TRAK2: variants seen among roughly 807,000 people sequenced by gnomAD.
TRAK2 encodes the protein trafficking kinesin protein 2, also known as trafficking kinesin-binding protein 2.
In TRAK2, 81 loss-of-function variants were observed where a neutral mutation model predicts 104.6. That is an observed-to-expected ratio of 0.77 (90% CI 0.65 to 0.93). The LOEUF is 0.93. TRAK2 is among the 40% of genes least tolerant of loss of function. The pLI is 0.00. For synonymous variants in TRAK2, 406 were observed against 394.4 expected (o/e 1.03, Z -0.35); for missense variants, 1,002 against 1,089.0 (o/e 0.92, Z 1.12).
intron 2 of TRAK2, chr2:201,411,485 C>T: frequency 1.3e-6 from 1 of 744,182 alleles, no homozygotes; most frequent in Non-Finnish European, 2.5e-6. Context: ...GTTGTTCTTG[C>T]ATTATATGAA....
chr2:201,439,063 C>T (rs1951900053), intron 1 of TRAK2, among the ~76,000 whole-genome samples: 1 of 152,192 alleles, frequency 6.6e-6, no homozygotes, highest in Non-Finnish European at 1.5e-5. Flanking sequence ...AAGTCTACCT[C>T]TATCTTAGTA....
chr2:201,390,097 T>C (rs1337411086), intron 10 of TRAK2, among the ~76,000 whole-genome samples: 1 of 152,226 alleles, frequency 6.6e-6, no homozygotes, highest in Non-Finnish European at 1.5e-5. Flanking sequence ...AAAGCTGATA[T>C]GATAAATAGA....
chr2:201,412,025 A>G lies in TRAK2; in HGVS notation c.92-4428T>C. On this transcript the variant is annotated intron_variant, in intron 2 of 15. Coordinates refer to ENST00000332624, the MANE Select transcript of TRAK2 (RefSeq NM_015049.3). ...AGGGGTTTTGGTTAGTAGCAAATCC[A>G]TTTTTTGTAGGAAAATTAACAAAAT... 3 of 1,045,976 alleles carry G rather than the reference A, an allele frequency of 2.9e-6. No homozygotes were observed. The South Asian group carries it at 3.8e-5, about 13-fold the overall frequency. The allele number at this position is 1,045,976 out of a possible 1,614,324, so 64.8% of individuals were successfully genotyped here.
At chr2:201,412,561 G>A in intron 2 of TRAK2, 1 of 1,325,498 alleles carries the variant, frequency 7.5e-7, no homozygotes, top group Non-Finnish European at 1.1e-6. Context: ...AGTTCCTAAA[G>A]AATATATATC....
At chr2:201,411,925 C>T in intron 2 of TRAK2, 1 of 1,037,330 alleles carries the variant, frequency 9.6e-7, no homozygotes, top group East Asian at 2.4e-5. Flanking sequence ...TTAGACAGAG[C>T]TCCTGGTATT....
chr2:201,405,651 C>T (rs1951587074), intron 3 of TRAK2, among the ~76,000 whole-genome samples: 1 of 152,176 alleles, frequency 6.6e-6, no homozygotes, highest in African/African-American at 2.4e-5. Context: ...AAAATAATGA[C>T]AAACTAAATT....
intron 5 of TRAK2, 141 bp from the exon 6 acceptor site, chr2:201,398,495 A>G: frequency 1.4e-6 from 1 of 736,782 alleles, no homozygotes; most frequent in Non-Finnish European, 2.2e-6. Context: ...GACTAACGCA[A>G]CAAGTACTAA....
chr2:201,410,536 T>G (rs1279318034), intron 2 of TRAK2: 1 of 1,100,422 alleles, frequency 9.1e-7, no homozygotes, highest in Non-Finnish European at 1.3e-6. Flanking sequence ...TCCTTCAAAA[T>G]AGACACCTCA....
At chr2:201,449,977 G>C (rs144674279) in intron 1 of TRAK2, among the ~76,000 whole-genome samples, 9 of 152,154 alleles carry the variant, frequency 5.9e-5, no homozygotes, top group African/African-American at 2.2e-4. Context: ...ACAGGAGTGA[G>C]CCACAGCGCC....
At chr2:201,382,713 G>A (rs1951355031) in intron 15 of TRAK2, among the ~76,000 whole-genome samples, 1 of 152,096 alleles carries the variant, frequency 6.6e-6, no homozygotes, top group South Asian at 2.1e-4. Context: ...GATCTTTAGT[G>A]GATATCATCC....
chr2:201,411,349 A>G lies in TRAK2; in HGVS notation c.92-3752T>C, dbSNP rs1951645231. The G allele has an allele frequency of 5.3e-6, 4 of 750,088 alleles. No homozygotes were observed. In the Admixed American group the frequency reaches 7.0e-5, roughly 13 times the overall value. 46.5% of individuals were successfully genotyped at this position (750,088 alleles called of 1,614,324 possible). A position where few individuals can be genotyped will look rare whatever the true frequency, so the allele number is the denominator to read the frequency against. On this transcript the variant is annotated intron_variant, in intron 2 of 15. Coordinates refer to ENST00000332624, the MANE Select transcript of TRAK2 (RefSeq NM_015049.3). ...TGAAACCCATCCTCTTTATTTTCGG[A>G]ATCACTGCCAGTCAGAAGGTCTGCT... is the stretch of plus-strand genomic sequence containing the variant.
At chr2:201,388,080 G>C in intron 12 of TRAK2, 79 bp from the exon 13 acceptor site, 3 of 1,397,580 alleles carry the variant, frequency 2.1e-6, no homozygotes, top group Non-Finnish European at 3.0e-6. Flanking sequence ...ATAATGGTAA[G>C]CATTCAAGAG....
chr2:201,380,830 G>T lies in TRAK2; in HGVS notation c.2458C>A (p.Pro820Thr), dbSNP rs769698203. Residue 820 changes from proline (P) to threonine (T), a missense_variant, in exon 16 of 16, where the codon CCC becomes ACC. Coordinates refer to ENST00000332624, the MANE Select transcript of TRAK2 (RefSeq NM_015049.3). ...TFLQEMYGLR[P>T]SRNPPDVGQL... ...CCAACATCAGGAGGGTTCCGGGAGG[G>T]TCTCAAGCCATACATCTCCTGGAGG... The T allele has an allele frequency of 1.2e-5, 19 of 1,613,950 alleles. No homozygotes were observed. The highest frequency in any genetic ancestry group is 1.5e-5 in the Non-Finnish European group (18 of 1,180,002).
intron 1 of TRAK2, among the ~76,000 whole-genome samples, chr2:201,446,260 C>T (rs1281968485): frequency 6.6e-6 from 1 of 152,094 alleles, no homozygotes; most frequent in East Asian, 1.9e-4. Flanking sequence ...GCTTCCTAGA[C>T]ACACCAGGAA....
chr2:201,427,577 G>C (rs1359675683), intron 1 of TRAK2, among the ~76,000 whole-genome samples: 3 of 152,152 alleles, frequency 2.0e-5, no homozygotes, highest in African/African-American at 7.2e-5. Context: ...ACCAATGATA[G>C]ACATTTGGGT....
intron 2 of TRAK2, 75 bp from the exon 3 acceptor site, chr2:201,407,672 ATTAG>A: frequency 7.2e-7 from 1 of 1,383,546 alleles, no homozygotes; most frequent in Non-Finnish European, 9.8e-7. Flanking sequence ...ATTGATGAAA[ATTAG>A]TTTTTCTAAA....
rs549434492 is a variant in TRAK2 at position 201,426,882 on chromosome 2, T to C, written c.-199-6176A>G. 2.6e-3 allele frequency among the ~76,000 whole-genome samples: 399 copies of C among 152,258 alleles called. 3 individuals are homozygous for C. The highest frequency in any genetic ancestry group is 8.8e-3 in the African/African-American group (365 of 41,528). On this transcript the variant is annotated intron_variant, in intron 1 of 15. Transcript: ENST00000332624. ...GCTCCTCAGAAAGATCAGTTTGGAG[T>C]AGTGGTACTGAACATAGTTCCATGG...
At chr2:201,385,138 C>T (rs1441195516) in intron 14 of TRAK2, among the ~76,000 whole-genome samples, 2 of 152,078 alleles carry the variant, frequency 1.3e-5, no homozygotes, top group African/African-American at 4.8e-5. Flanking sequence ...CATGAACATC[C>T]TTGAAGACTT....
chr2:201,422,954 GAA>G (rs951840320), intron 1 of TRAK2, among the ~76,000 whole-genome samples: 17 of 150,384 alleles, frequency 1.1e-4, no homozygotes, highest in Admixed American at 6.7e-5. Flanking sequence ...TTTACTAAAA[GAA>G]AAAGAGACAT....
Sources: allele counts gnomAD v4.1 joint callset (sites outside exome capture counted in the v4.1 genomes callset), GRCh38; gene constraint gnomAD v4.1.1; transcripts MANE v1.5; gene names NCBI Gene and HGNC (gene_info 2026-07-23, HGNC 2026-07-21).